NRP1: variants seen among roughly 807,000 people sequenced by gnomAD.
NRP1 encodes neuropilin 1.
Under a neutral mutation model 106.7 loss-of-function variants are expected in NRP1, and 35 were observed. That is an observed-to-expected ratio of 0.33 (90% confidence interval 0.25 to 0.43). The LOEUF is 0.43. NRP1 is among the 20% of genes least tolerant of loss of function. The pLI is 1.00. For missense variants in NRP1, 1,024 were observed against 1,170.4 expected, an observed-to-expected ratio of 0.87 and a Z score of 1.83; for synonymous variants, 437 against 417.9, an observed-to-expected ratio of 1.05 and a Z score of -0.56.
At chr10:33,246,043 A>G (rs149551245) in intron 6 of NRP1, among the ~76,000 whole-genome samples, 1,817 of 152,196 alleles carry the variant, frequency 0.012, 37 homozygotes, top group African/African-American at 0.041. Context: ...TTGACATGAA[A>G]TTAGTATAAT....
intron 6 of NRP1, among the ~76,000 whole-genome samples, chr10:33,234,682 CAG>C (rs1840422459): frequency 6.6e-6 from 1 of 152,100 alleles, no homozygotes; most frequent in African/African-American, 2.4e-5. Flanking sequence ...AGTAGAAGAA[CAG>C]CGCAAGGCAG....
At chr10:33,199,565 T>G (rs1263138364) in intron 11 of NRP1, among the ~76,000 whole-genome samples, 2 of 151,350 alleles carry the variant, frequency 1.3e-5, no homozygotes, top group African/African-American at 4.9e-5. Flanking sequence ...TTTGAAAGCT[T>G]TTCAGGTGAG....
Position 33,180,176 on chromosome 10 carries a change from C to T in NRP1, c.2672G>A (p.Arg891Lys). The T allele has an allele frequency of 6.2e-7, 1 of 1,614,136 alleles. No homozygotes were observed. Among genetic ancestry groups the T allele is most frequent in the Non-Finnish European group, 8.5e-7 (1 of 1,180,020 alleles). ...ATAGTTCTCCAGGGCAGACAAGTTT[C>T]TTTCTGACATCCCATTATGCCAACA... The part of the protein sequence containing the change: ...CACWHNGMSE[R>K]NLSALENYNF... The change falls in exon 17 of 17, where the codon AGA (arginine) becomes AAA (lysine). Residue 891 changes from arginine to lysine, a missense_variant. Transcript: ENST00000374867.
At chr10:33,251,449 A>T (rs756867191) in intron 6 of NRP1, among the ~76,000 whole-genome samples, 1 of 152,206 alleles carries the variant, frequency 6.6e-6, no homozygotes, top group Admixed American at 6.5e-5. Flanking sequence ...CTGTCCCCCA[A>T]GTCTGGGTCC....
At chr10:33,220,793 C>T (rs768437693) in intron 8 of NRP1, among the ~76,000 whole-genome samples, 1 of 146,102 alleles carries the variant, frequency 6.8e-6, no homozygotes, top group African/African-American at 2.5e-5. Context: ...ACCAGCTACT[C>T]AGGAGGCTGA....
chr10:33,227,684 TG>T lies in NRP1; in HGVS notation c.982-1396del, dbSNP rs541634664. On this transcript the variant is annotated intron_variant, in intron 6 of 16. Coordinates refer to ENST00000374867, the MANE Select transcript of NRP1 (RefSeq NM_003873.7). ...CTAGCCTGTCTCATATCCTGAGGGG[TG>T]GGGCTCTTGGAAGGCATCAGAGTAG... is the stretch of plus-strand genomic sequence containing the variant. Among the ~76,000 whole-genome samples the T allele has an allele frequency of 1.7e-3, 262 of 151,898 alleles. 2 individuals carry two copies. The highest frequency in any genetic ancestry group is 0.01 in the Middle Eastern group (3 of 292).
intron 3 of NRP1, among the ~76,000 whole-genome samples, chr10:33,269,343 AGTGCAGC>A (rs1843134771): frequency 6.6e-6 from 1 of 152,144 alleles, no homozygotes; most frequent in Non-Finnish European, 1.5e-5. Flanking sequence ...CCCAGACTGG[AGTGCAGC>A]GGCACGATCA....
chr10:33,301,325 T>C (rs145835028), intron 2 of NRP1, among the ~76,000 whole-genome samples: 9 of 152,168 alleles, frequency 5.9e-5, no homozygotes, highest in African/African-American at 2.2e-4. Flanking sequence ...ACCTTTGGAG[T>C]GGAATTTTCA....
chr10:33,281,023 T>C (rs1298203384), intron 2 of NRP1, among the ~76,000 whole-genome samples: 4 of 149,050 alleles, frequency 2.7e-5, no homozygotes, highest in Admixed American at 2.0e-4. Context: ...AATATTCTCC[T>C]CTCTCTGCTC....
chr10:33,295,440 G>A (rs1314478303), intron 2 of NRP1, among the ~76,000 whole-genome samples: 2 of 152,220 alleles, frequency 1.3e-5, no homozygotes. Flanking sequence ...AGGTGCAGTG[G>A]CTCACGCCTG....
At chr10:33,286,015 T>C (rs1025737891) in intron 2 of NRP1, among the ~76,000 whole-genome samples, 3 of 152,216 alleles carry the variant, frequency 2.0e-5, no homozygotes, top group South Asian at 2.1e-4. Context: ...CAGTATTTAA[T>C]GTCATTCCCA....
chr10:33,270,994 ATGGAGGG>A, intron 2 of NRP1, 138 bp from the exon 3 acceptor site: 2 of 623,984 alleles, frequency 3.2e-6, no homozygotes, highest in Non-Finnish European at 2.6e-6. Flanking sequence ...ACTGCATTAA[ATGGAGGG>A]AAAAAAAAGT....
At chr10:33,238,851 A>T (rs922338904) in intron 6 of NRP1, among the ~76,000 whole-genome samples, 4 of 151,968 alleles carry the variant, frequency 2.6e-5, no homozygotes, top group African/African-American at 9.7e-5. Flanking sequence ...TAACCATGAG[A>T]ATGTGACCTA....
intron 6 of NRP1, among the ~76,000 whole-genome samples, chr10:33,250,068 C>T (rs1175974501): frequency 6.6e-6 from 1 of 152,132 alleles, no homozygotes; most frequent in South Asian, 2.1e-4. Flanking sequence ...GGGCATATTT[C>T]ATGCAAAATG....
At position 33,179,781 on chromosome 10, in the gene NRP1, G is replaced by A. The variant is rs924058376; in HGVS notation, c.*295C>T. On this transcript the variant is annotated 3_prime_UTR_variant, in exon 17 of 17. Transcript: ENST00000374867. ...ACAAAGGGGAGAGGAGAGAGAGAGA[G>A]AGGGGCAGGAGGGGTCGAAATGAAT... 3 of 330,428 alleles carry A rather than the reference G, an allele frequency of 9.1e-6. No individual in the cohort carries two copies. Among genetic ancestry groups the A allele is most frequent in the Non-Finnish European group, 1.7e-5 (3 of 178,934 alleles). 20.5% of individuals were successfully genotyped at this position (330,428 alleles called of 1,614,324 possible). A position where few individuals can be genotyped will look rare whatever the true frequency, so the allele number is the denominator to read the frequency against.
intron 2 of NRP1, 110 bp from the exon 3 acceptor site, chr10:33,270,966 G>C: frequency 1.1e-6 from 1 of 896,258 alleles, no homozygotes; most frequent in East Asian, 2.8e-5. Context: ...AGAAAAAAAA[G>C]TTCTATCTGC....
At chr10:33,180,501 G>T in intron 16 of NRP1, 136 bp from the exon 17 acceptor site, 1 of 858,176 alleles carries the variant, frequency 1.2e-6, no homozygotes, top group Non-Finnish European at 1.8e-6. Context: ...TCATTGTTGG[G>T]AACAGAAGTG....
intron 2 of NRP1, among the ~76,000 whole-genome samples, chr10:33,293,556 T>C (rs539827497): frequency 2.0e-4 from 31 of 152,344 alleles, no homozygotes; most frequent in Non-Finnish European, 3.4e-4. Context: ...CCGTAAGTTA[T>C]GTGGGCTGCT....
chr10:33,214,112 G>T (rs1311662006), intron 8 of NRP1, among the ~76,000 whole-genome samples: 1 of 152,184 alleles, frequency 6.6e-6, no homozygotes, highest in African/African-American at 2.4e-5. Flanking sequence ...TAGCAGGAAG[G>T]TTGCTAAAAC....
Sources: allele counts gnomAD v4.1 joint callset (sites outside exome capture counted in the v4.1 genomes callset), GRCh38; gene constraint gnomAD v4.1.1; transcripts MANE v1.5; gene names NCBI Gene and HGNC (gene_info 2026-07-23, HGNC 2026-07-21).